The following SGK1 variants were observed in gnomAD, a reference collection of about 807,000 sequenced individuals.
The protein encoded by SGK1 is serum/glucocorticoid regulated kinase 1.
SGK1 carries 26 observed loss-of-function variants against 64.2 expected under a neutral mutation model. That is an observed-to-expected ratio of 0.40 (90% CI 0.30 to 0.56). The LOEUF (loss-of-function observed/expected upper bound fraction) is 0.56, where lower values mean the gene tolerates loss of function less well. SGK1 is among the 20% of genes least tolerant of loss of function. The pLI is 0.38. For synonymous variants in SGK1, 265 were observed against 239.7 expected (o/e 1.11, Z -0.98); for missense variants, 519 against 645.6 (o/e 0.80, Z 2.12).
intron 3 of SGK1, among the ~76,000 whole-genome samples, chr6:134,186,857 C>T (rs1307388220): frequency 6.6e-6 from 1 of 151,728 alleles, no homozygotes; most frequent in Non-Finnish European, 1.5e-5. Flanking sequence ...CACTGTGTCG[C>T]CCAGGCTGGA....
At chr6:134,296,797 A>C (rs1777355686) in intron 1 of SGK1, among the ~76,000 whole-genome samples, 1 of 150,844 alleles carries the variant, frequency 6.6e-6, no homozygotes, top group Non-Finnish European at 1.5e-5. Context: ...AAAAAAAAAA[A>C]ACAGTTGAAT....
At chr6:134,198,670 G>A (rs981428278) in intron 3 of SGK1, among the ~76,000 whole-genome samples, 3 of 146,206 alleles carry the variant, frequency 2.1e-5, no homozygotes, top group African/African-American at 7.5e-5. Flanking sequence ...CTGCTCCTGA[G>A]TAAATATGGA....
intron 2 of SGK1, among the ~76,000 whole-genome samples, chr6:134,256,370 C>CTGTG (rs753190735): frequency 6.6e-6 from 1 of 150,588 alleles, no homozygotes; most frequent in East Asian, 1.9e-4. Flanking sequence ...GTGTGTGTGT[C>CTGTG]TGTGTGTGTG....
intron 3 of SGK1, among the ~76,000 whole-genome samples, chr6:134,195,731 G>A (rs1775585173): frequency 6.6e-6 from 1 of 152,106 alleles, no homozygotes; most frequent in African/African-American, 2.4e-5. Flanking sequence ...GGCAACTAAG[G>A]TTCGCTCCAA....
At chr6:134,286,033 G>A (rs9402585) in intron 1 of SGK1, among the ~76,000 whole-genome samples, 1 of 152,162 alleles carries the variant, frequency 6.6e-6, no homozygotes. Flanking sequence ...GTTTTCTTTA[G>A]AAGTCTTATT....
chr6:134,226,593 C>T (rs1457615767), intron 2 of SGK1, among the ~76,000 whole-genome samples: 1 of 151,460 alleles, frequency 6.6e-6, no homozygotes, highest in African/African-American at 2.4e-5. Flanking sequence ...ACCTGGGAAG[C>T]TGAGGTGGGA....
intron 1 of SGK1, among the ~76,000 whole-genome samples, chr6:134,263,712 T>C (rs1183710938): frequency 1.3e-5 from 2 of 152,130 alleles, no homozygotes; most frequent in Non-Finnish European, 2.9e-5. Flanking sequence ...TTATACAGCA[T>C]TTCAAAAATC....
At chr6:134,192,679 C>T (rs1268721192) in intron 3 of SGK1, among the ~76,000 whole-genome samples, 2 of 151,818 alleles carry the variant, frequency 1.3e-5, no homozygotes, top group Non-Finnish European at 2.9e-5. Flanking sequence ...AAGCGATTCC[C>T]CCACCTCAGC....
chr6:134,208,917 C>T (rs1041120590), intron 2 of SGK1, among the ~76,000 whole-genome samples: 45 of 150,796 alleles, frequency 3.0e-4, no homozygotes, highest in Admixed American at 2.3e-3. Flanking sequence ...TACACACACA[C>T]GTGTTTTTTT....
At chr6:134,206,721 T>C (rs1743953) in intron 3 of SGK1, among the ~76,000 whole-genome samples, 112,244 of 150,778 alleles carry the variant, frequency 0.74, 46,093 homozygotes, top group East Asian at 0.99. Context: ...ACAAAAATTA[T>C]CCAGGCATGG....
At chr6:134,240,072 A>T (rs1387480817) in intron 2 of SGK1, among the ~76,000 whole-genome samples, 1 of 152,158 alleles carries the variant, frequency 6.6e-6, no homozygotes, top group Non-Finnish European at 1.5e-5. Flanking sequence ...TGTGCGGATC[A>T]CTTGAGGCCA....
At position 134,235,861 on chromosome 6, in the gene SGK1, C is replaced by T. The variant is rs551484107; in HGVS notation, c.285+26072G>A. Among the ~76,000 whole-genome samples the T allele has an allele frequency of 1.1e-3, 169 of 152,100 alleles. 1 individual carries two copies. Among genetic ancestry groups the T allele is most frequent in the African/African-American group, 4.0e-3 (166 of 41,506 alleles). ...AAGTGCTGGGATTATAGGTGTGAGC[C>T]GCCGCACCTGGCCATAGATATTTTA... On this transcript the variant is annotated intron_variant, in intron 2 of 13. Coordinates refer to ENST00000367858, the MANE Select transcript of SGK1 (RefSeq NM_001143676.3).
chr6:134,293,528 G>T (rs1414184387), intron 1 of SGK1, among the ~76,000 whole-genome samples: 1 of 152,058 alleles, frequency 6.6e-6, no homozygotes, highest in Non-Finnish European at 1.5e-5. Context: ...TAAACCTCAA[G>T]ATTTGATAAT....
intron 3 of SGK1, among the ~76,000 whole-genome samples, chr6:134,190,247 A>G (rs1043566066): frequency 5.9e-5 from 9 of 151,410 alleles, no homozygotes; most frequent in African/African-American, 2.2e-4. Flanking sequence ...ATCAAAGAGC[A>G]GAAATGGGGC....
At chr6:134,191,833 T>C (rs1011165339) in intron 3 of SGK1, among the ~76,000 whole-genome samples, 2 of 105,710 alleles carry the variant, frequency 1.9e-5, no homozygotes, top group African/African-American at 7.3e-5. Flanking sequence ...CACGCCCGGC[T>C]GATTTTTTTT....
At chr6:134,249,109 T>A (rs1245254682) in intron 2 of SGK1, among the ~76,000 whole-genome samples, 1 of 152,140 alleles carries the variant, frequency 6.6e-6, no homozygotes, top group Non-Finnish European at 1.5e-5. Flanking sequence ...AAGCGTATTG[T>A]ACGAAATCTC....
chr6:134,198,477 G>C (rs1332057302), intron 3 of SGK1, among the ~76,000 whole-genome samples: 1 of 152,058 alleles, frequency 6.6e-6, no homozygotes, highest in Non-Finnish European at 1.5e-5. Context: ...TGCTTTTCAA[G>C]AGAAAAAATC....
At chr6:134,211,811 T>C (rs900919610) in intron 2 of SGK1, among the ~76,000 whole-genome samples, 1 of 148,290 alleles carries the variant, frequency 6.7e-6, no homozygotes, top group South Asian at 2.2e-4. Flanking sequence ...GAGACTGAGG[T>C]TGCAGTGAGC....
At chr6:134,188,913 T>TC (rs1295208840) in intron 3 of SGK1, among the ~76,000 whole-genome samples, 177 of 145,366 alleles carry the variant, frequency 1.2e-3, no homozygotes, top group Admixed American at 4.9e-3. Flanking sequence ...TTTTTCTTTT[T>TC]TTTTTTTTTT....
Sources: allele counts gnomAD v4.1 joint callset (sites outside exome capture counted in the v4.1 genomes callset), GRCh38; gene constraint gnomAD v4.1.1; transcripts MANE v1.5; gene names NCBI Gene and HGNC (gene_info 2026-07-23, HGNC 2026-07-21).